The following IKZF1 variants were observed in gnomAD, a reference collection of about 807,000 sequenced individuals.
IKZF1 encodes IKAROS family zinc finger 1.
In IKZF1, 10 loss-of-function variants were observed where a neutral mutation model predicts 51.7. That is an observed-to-expected ratio of 0.19 (90% CI 0.12 to 0.33). The LOEUF is 0.33. IKZF1 is among the 10% of genes least tolerant of loss of function. The pLI, the probability that IKZF1 is intolerant of heterozygous loss-of-function variation, is 1.00. For missense variants in IKZF1, 484 were observed against 707.5 expected, an observed-to-expected ratio of 0.68 and a Z score of 3.58; for synonymous variants, 280 against 282.3, an observed-to-expected ratio of 0.99 and a Z score of 0.08.
At chr7:50,353,354 C>T (rs1413322446) in intron 3 of IKZF1, among the ~76,000 whole-genome samples, 1 of 152,212 alleles carries the variant, frequency 6.6e-6, no homozygotes, top group Non-Finnish European at 1.5e-5. Flanking sequence ...CCAAAAGCTC[C>T]TTCCCCTGCC....
chr7:50,328,342 T>C (rs368478919), intron 3 of IKZF1: 9 of 152,204 alleles, frequency 5.9e-5, no homozygotes, highest in African/African-American at 1.9e-4. Context: ...ATGCGACAGT[T>C]TGTGTTTGGA....
chr7:50,362,005 A>G (rs1805403420), intron 3 of IKZF1, among the ~76,000 whole-genome samples: 1 of 152,214 alleles, frequency 6.6e-6, no homozygotes, highest in Non-Finnish European at 1.5e-5. Context: ...AGCTTTTTCT[A>G]TCTTAATTAG....
chr7:50,355,155 C>T (rs924017709), intron 3 of IKZF1, among the ~76,000 whole-genome samples: 1 of 152,136 alleles, frequency 6.6e-6, no homozygotes, highest in African/African-American at 2.4e-5. Context: ...ATTCTGCAGG[C>T]AAATGACTGA....
At chr7:50,323,637 T>G (rs1794034414) in intron 2 of IKZF1, among the ~76,000 whole-genome samples, 1 of 152,260 alleles carries the variant, frequency 6.6e-6, no homozygotes, top group Non-Finnish European at 1.5e-5. Context: ...TTCATTTTTC[T>G]AAATAAGTGA....
At chr7:50,342,645 G>A (rs1340321179) in intron 3 of IKZF1, among the ~76,000 whole-genome samples, 1 of 151,048 alleles carries the variant, frequency 6.6e-6, no homozygotes, top group Non-Finnish European at 1.5e-5. Context: ...GTGAAGGAAA[G>A]GCTTTTTTTT....
chr7:50,391,203 G>A (rs1318268744), intron 6 of IKZF1, among the ~76,000 whole-genome samples: 2 of 152,160 alleles, frequency 1.3e-5, no homozygotes, highest in African/African-American at 2.4e-5. Flanking sequence ...TCAGGAGTTT[G>A]TTGTATGCTC....
rs915742783 is a variant in IKZF1 at position 50,401,961 on chromosome 7, G to A, written c.*1334G>A. 2 of 227,202 alleles carry A rather than the reference G, an allele frequency of 8.8e-6. No individual in the cohort carries two copies. The highest frequency in any genetic ancestry group is 4.4e-5 in the African/African-American group (2 of 44,964). The allele number at this position is 227,202 out of a possible 1,614,324, so 14.1% of individuals were successfully genotyped here. On this transcript the variant is annotated 3_prime_UTR_variant, in exon 8 of 8. Transcript: ENST00000331340. ...CACCTGTAGGATATTGGAATGCACAGGGCAATTGAGGGACTGAGCCAGACC... is the reference window on the plus strand; with the variant it reads ...CACCTGTAGGATATTGGAATGCACAAGGCAATTGAGGGACTGAGCCAGACC...
intron 3 of IKZF1, chr7:50,369,394 T>G: frequency 2.5e-6 from 1 of 396,822 alleles, no homozygotes; most frequent in Non-Finnish European, 4.4e-6. Context: ...TGTGAAGATG[T>G]GTTAATGTTA....
intron 1 of IKZF1, among the ~76,000 whole-genome samples, chr7:50,309,135 G>T (rs948015740): frequency 6.6e-5 from 10 of 152,150 alleles, no homozygotes; most frequent in Non-Finnish European, 1.5e-4. Context: ...CGTGGCGCGG[G>T]GCCACGGCTT....
chr7:50,399,788 C>T lies in IKZF1; in HGVS notation c.851-130C>T, dbSNP rs1817653848. The T allele has an allele frequency of 6.5e-6, 9 of 1,388,536 alleles. No homozygotes were observed. The South Asian group carries it at 1.2e-4, about 18-fold the overall frequency. 86.0% of individuals were successfully genotyped at this position (1,388,536 alleles called of 1,614,324 possible). The stretch of plus-strand genomic sequence containing the variant: ...GTGTGTATGTGTGCAGGTGTGGGGT[C>T]CGCAGGCGTGCTGGGCCCCCAGGCC... On this transcript the variant is annotated intron_variant, in intron 7 of 7. Transcript: ENST00000331340.
chr7:50,382,706 C>A lies in IKZF1; in HGVS notation c.588C>A (p.Ser196=), dbSNP rs372403425. Residue 196 remains serine (S), a splice_region_variant and synonymous_variant, in exon 5 of 8, where the codon TCC becomes TCA. Coordinates refer to ENST00000331340, the MANE Select transcript of IKZF1 (RefSeq NM_006060.6). ...TCACTGGCCACCTGAGGACGCACTC[C>A]GGTAGGTCCCCTGGATGCAGTCCGG... ...DALTGHLRTH[S]VGKPHKCGYC... is the part of the protein sequence containing the mutation. 1 of 1,605,382 alleles carries A rather than the reference C, an allele frequency of 6.2e-7. No homozygotes were observed.
intron 1 of IKZF1, among the ~76,000 whole-genome samples, chr7:50,308,302 C>T (rs1789301601): frequency 6.6e-6 from 1 of 152,210 alleles, no homozygotes; most frequent in Non-Finnish European, 1.5e-5. Flanking sequence ...GCCTAATCTA[C>T]AGGCAACTGC....
chr7:50,304,086 C>A (rs867748334), upstream of IKZF1: 1 of 144,772 alleles, frequency 6.9e-6, no homozygotes, highest in African/African-American at 2.5e-5. Flanking sequence ...CGCGGGCGAG[C>A]GGGCTGCAGC....
At chr7:50,341,025 T>C (rs1311745546) in intron 3 of IKZF1, among the ~76,000 whole-genome samples, 3 of 152,362 alleles carry the variant, frequency 2.0e-5, no homozygotes, top group Middle Eastern at 3.4e-3. Context: ...TTATATGTGT[T>C]AGTTAATTTT....
rs1335984507 is a variant in IKZF1, at chr7:50,319,075, A to G, written c.14A>G (p.Glu5Gly). 2 of 1,613,394 alleles carry G rather than the reference A, an allele frequency of 1.2e-6. No homozygotes were observed. Among genetic ancestry groups the G allele is most frequent in the Middle Eastern group, 1.6e-4 (1 of 6,084 alleles). MDAD[E>G]GQDMSQVSGK... is the part of the protein sequence containing the mutation. ...AACCTGAGGACCATGGATGCTGATG[A>G]GGGTCAAGACATGTCCCAAGTTTCA... The change falls in exon 2 of 8, where the codon GAG becomes GGG. Residue 5 changes from glutamate (E) to glycine (G), a missense_variant. Transcript: ENST00000331340.
chr7:50,330,379 C>T (rs1270599246), intron 3 of IKZF1, among the ~76,000 whole-genome samples: 1 of 152,166 alleles, frequency 6.6e-6, no homozygotes, highest in Admixed American at 6.5e-5. Flanking sequence ...TTGAATGCTC[C>T]TCAGTGGGGC....
At chr7:50,309,968 G>A (rs914358106) in intron 1 of IKZF1, among the ~76,000 whole-genome samples, 4 of 152,130 alleles carry the variant, frequency 2.6e-5, no homozygotes, top group African/African-American at 4.8e-5. Context: ...ACTTTTAACC[G>A]GAAAAAGTGA....
At chr7:50,382,043 T>C (rs962087383) in intron 4 of IKZF1, among the ~76,000 whole-genome samples, 1 of 152,240 alleles carries the variant, frequency 6.6e-6, no homozygotes, top group Non-Finnish European at 1.5e-5. Flanking sequence ...ACTGTTATAA[T>C]GAAGTGCCTT....
chr7:50,331,594 G>T (rs1275148000), intron 3 of IKZF1, among the ~76,000 whole-genome samples: 1 of 152,208 alleles, frequency 6.6e-6, no homozygotes, highest in Admixed American at 6.5e-5. Flanking sequence ...AAGGATAACA[G>T]ACCATATTAA....
Sources: gnomAD v4.1 joint callset for allele counts (sites outside exome capture counted in the v4.1 genomes callset) on GRCh38, gnomAD v4.1.1 for gene constraint, MANE v1.5 for transcripts, NCBI Gene and HGNC (gene_info 2026-07-23, HGNC 2026-07-21) for gene names.